The following RYR1 variants were observed in gnomAD, a reference collection of about 807,000 sequenced individuals.
RYR1 encodes the protein central core disease of muscle.
Under a neutral mutation model 583.5 loss-of-function variants are expected in RYR1, and 342 were observed. The ratio of observed to expected loss-of-function variants is 0.59; its 90% CI spans 0.54 to 0.64. RYR1 has a LOEUF of 0.64. Among genes scored for constraint, RYR1 ranks in the 30% least tolerant of loss-of-function variants. The pLI, the probability that RYR1 is intolerant of heterozygous loss-of-function variation, is 0.00. For missense variants in RYR1, 6,032 were observed against 6,917.2 expected, an observed-to-expected ratio of 0.87 and a Z score of 4.54; for synonymous variants, 2,791 against 2,822.5, an observed-to-expected ratio of 0.99 and a Z score of 0.35.
At position 38,551,810 on chromosome 19, in the gene RYR1, G is replaced by A. The variant is rs551237999; in HGVS notation, c.12282+3390G>A. Among the ~76,000 whole-genome samples, 8 of 152,162 alleles carry A rather than the reference G, an allele frequency of 5.3e-5. No individual in the cohort carries two copies. In the South Asian group the frequency reaches 1.7e-3, roughly 32 times the overall value. ...CCTGCCTCCCAGCTGATCCCTCCTA[G>A]CCTCTTACCCTTCACTGTGCCTGAG... On this transcript the variant is annotated intron_variant, in intron 89 of 105. Coordinates refer to ENST00000359596, the MANE Select transcript of RYR1 (RefSeq NM_000540.3).
At chr19:38,568,434 C>T (rs1330816355) in intron 93 of RYR1, among the ~76,000 whole-genome samples, 3 of 151,910 alleles carry the variant, frequency 2.0e-5, no homozygotes, top group East Asian at 3.9e-4. Context: ...AGGCCTGGCC[C>T]GATAGGAGGG....
At position 38,442,505 on chromosome 19, in the gene RYR1, C is replaced by A. The variant is rs945603324; in HGVS notation, c.270+52C>A. On this transcript the variant is annotated intron_variant, in intron 3 of 105. Transcript: ENST00000359596. ...GGGTGGCAGAGATGGGCGAGAGGAC[C>A]CAGGGGTCGTTTAGGGCACGGTGGC... The A allele has an allele frequency of 2.8e-6, 4 of 1,407,738 alleles. No homozygotes were observed. The Admixed American group carries it at 5.1e-5, about 18-fold the overall frequency. 87.2% of individuals were successfully genotyped at this position (1,407,738 alleles called of 1,614,324 possible). A position where few individuals can be genotyped will look rare whatever the true frequency, so the allele number is the denominator to read the frequency against.
intron 76 of RYR1, among the ~76,000 whole-genome samples, chr19:38,530,844 C>T (rs1032765020): frequency 1.1e-4 from 16 of 151,894 alleles, no homozygotes; most frequent in African/African-American, 3.9e-4. Flanking sequence ...CTCTTGTTGC[C>T]CAGGCTGGAG....
chr19:38,551,166 C>T (rs1194118987), intron 89 of RYR1, among the ~76,000 whole-genome samples: 1 of 150,166 alleles, frequency 6.7e-6, no homozygotes, highest in Non-Finnish European at 1.5e-5. Context: ...TCTGCCTCAG[C>T]CTCCCAAGTC....
chr19:38,479,171 G>C (rs1026207081), intron 31 of RYR1, among the ~76,000 whole-genome samples: 1 of 152,196 alleles, frequency 6.6e-6, no homozygotes, highest in African/African-American at 2.4e-5. Flanking sequence ...GGATGGGCCA[G>C]AATCCTAAGG....
Position 38,500,743 on chromosome 19 carries a change from A to C in RYR1, c.7444+17A>C, listed in dbSNP as rs1364463668. Reference sequence around the variant, plus strand: ...TGGGCAAAGGTGCAGAGGGGATGGAACTTGGCGAAGGAGTGATGCTGGGGA... The same window carrying C: ...TGGGCAAAGGTGCAGAGGGGATGGACCTTGGCGAAGGAGTGATGCTGGGGA... On this transcript the variant is annotated intron_variant, in intron 46 of 105. Transcript: ENST00000359596. The surrounding 1 kb of genome is among the most constrained non-coding windows in gnomAD (Gnocchi z 5.9). 12 of 1,613,986 alleles carry C rather than the reference A, an allele frequency of 7.4e-6. No individual in the cohort carries two copies. Among genetic ancestry groups the C allele is most frequent in the Non-Finnish European group, 9.3e-6 (11 of 1,180,020 alleles).
chr19:38,488,110 C>T (rs961299291), intron 34 of RYR1, among the ~76,000 whole-genome samples: 9 of 152,104 alleles, frequency 5.9e-5, no homozygotes, highest in Admixed American at 5.9e-4. Context: ...AGCCACCACA[C>T]CTGGCCCCAA....
intron 88 of RYR1, among the ~76,000 whole-genome samples, chr19:38,547,680 A>T (rs1441954306): frequency 6.6e-6 from 1 of 151,018 alleles, no homozygotes; most frequent in Non-Finnish European, 1.5e-5. Flanking sequence ...GTGCCAGGGT[A>T]GCATTTGGCA....
intron 20 of RYR1, among the ~76,000 whole-genome samples, chr19:38,462,686 C>T (rs1012774097): frequency 6.6e-6 from 1 of 152,184 alleles, no homozygotes; most frequent in Non-Finnish European, 1.5e-5. Flanking sequence ...CTATGATCCT[C>T]ATACGGAGAA....
intron 87 of RYR1, among the ~76,000 whole-genome samples, chr19:38,545,758 C>T (rs983922893): frequency 3.9e-5 from 6 of 152,150 alleles, no homozygotes; most frequent in Admixed American, 3.3e-4. Flanking sequence ...TTGCAGTGAG[C>T]CGAGATTGCG....
chr19:38,506,963 TG>T lies in RYR1; in HGVS notation c.8816+15del, dbSNP rs1970483719. 1 of 1,609,646 alleles carries T rather than the reference TG, an allele frequency of 6.2e-7. No homozygotes were observed. The highest frequency in any genetic ancestry group is 8.5e-7 in the Non-Finnish European group (1 of 1,177,726). On this transcript the variant is annotated intron_variant, in intron 57 of 105. Coordinates refer to ENST00000359596, the MANE Select transcript of RYR1 (RefSeq NM_000540.3). ...CTACGCGGTTACAAGGCACGCGGGT[TG>T]GGGCTCCCGCGGAAGAGCAGCAGGC...
intron 31 of RYR1, among the ~76,000 whole-genome samples, chr19:38,479,596 A>G (rs953342986): frequency 3.9e-5 from 6 of 152,036 alleles, no homozygotes; most frequent in Admixed American, 3.9e-4. Flanking sequence ...TATTGTTTGT[A>G]GAGATGGGTT....
Position 38,585,101 on chromosome 19 carries a change from T to C in RYR1, c.14803+2T>C. The C allele has an allele frequency of 1.2e-6, 2 of 1,613,542 alleles. No individual in the cohort carries two copies. Among genetic ancestry groups the C allele is most frequent in the Non-Finnish European group, 1.7e-6 (2 of 1,179,760 alleles). On this transcript the variant is annotated splice_donor_variant, in intron 102 of 105. Transcript: ENST00000359596. LOFTEE classifies it high-confidence loss of function. ...TCATCCTGTTGGCCATCATCCAGGGTCAGTGCTGGGAGTGGGCGCTCAGGG... is the reference window on the plus strand; with the variant it reads ...TCATCCTGTTGGCCATCATCCAGGGCCAGTGCTGGGAGTGGGCGCTCAGGG...
chr19:38,522,741 A>G (rs1271485657), intron 67 of RYR1, among the ~76,000 whole-genome samples: 1 of 152,058 alleles, frequency 6.6e-6, no homozygotes, highest in Non-Finnish European at 1.5e-5. Context: ...CGTAAGGTCA[A>G]GAGTTCAAGA....
chr19:38,489,594 G>A (rs1969460283), intron 35 of RYR1, 151 bp downstream of exon 35: 1 of 852,764 alleles, frequency 1.2e-6, no homozygotes, highest in Non-Finnish European at 2.0e-6. Context: ...AAAGATCTCT[G>A]TTTTCCATGG....
chr19:38,440,718 T>G, intron 1 of RYR1, 27 bp from the exon 2 acceptor site: 1 of 1,603,262 alleles, frequency 6.2e-7, no homozygotes, highest in Non-Finnish European at 8.5e-7. Flanking sequence ...CAGGCCCCCC[T>G]GGAGACGCTG....
chr19:38,448,708 G>C lies in RYR1; in HGVS notation c.1017G>C (p.Lys339Asn). 1 of 1,614,236 alleles carries C rather than the reference G, an allele frequency of 6.2e-7. No individual in the cohort carries two copies. Among genetic ancestry groups the C allele is most frequent in the Non-Finnish European group, 8.5e-7 (1 of 1,180,036 alleles). ...DVEGMGPPEI[K>N]YGESLCFVQH... ...AGGGCATGGGCCCCCCTGAGATCAA[G>C]TACGGGGAGTCACTGTGCTTCGTGC... Residue 339 changes from lysine to asparagine, a missense_variant, in exon 11 of 106, where the codon AAG (lysine) becomes AAC (asparagine). Around this residue, in one of 11 missense-constraint regions of RYR1, gnomAD observed 338 missense variants for 441.6 expected, o/e 0.77. Transcript: ENST00000359596.
chr19:38,506,003 A>C, intron 54 of RYR1, 57 bp downstream of exon 54: 2 of 1,594,078 alleles, frequency 1.3e-6, no homozygotes, highest in Non-Finnish European at 1.7e-6. Flanking sequence ...GTCTAGAACA[A>C]GGGGCATGGC....
intron 92 of RYR1, 141 bp downstream of exon 92, chr19:38,567,128 AG>A: frequency 7.5e-7 from 1 of 1,332,958 alleles, no homozygotes; most frequent in Non-Finnish European, 1.0e-6. Context: ...GGCACGGAGG[AG>A]GGGCTCTGAG....
Sources: allele counts gnomAD v4.1 joint callset (sites outside exome capture counted in the v4.1 genomes callset), GRCh38; gene constraint gnomAD v4.1.1; regional missense constraint gnomAD v4.1.1; non-coding constraint Gnocchi (gnomAD v3.1); transcripts MANE v1.5; gene names NCBI Gene and HGNC (gene_info 2026-07-23, HGNC 2026-07-21).